GABRR2: variants seen among roughly 807,000 people sequenced by gnomAD.
GABRR2 encodes the protein gamma-aminobutyric acid receptor subunit rho-2.
A neutral mutation model predicts 47.0 loss-of-function variants in GABRR2; 36 were observed. That is an observed-to-expected ratio of 0.77 (90% CI 0.59 to 1.01). GABRR2 has a LOEUF of 1.01. Ranked by LOEUF, GABRR2 falls within the 50% of genes least tolerant of loss-of-function variation. The pLI is 0.00. For missense variants in GABRR2, 587 were observed against 594.6 expected (o/e 0.99, Z 0.13); for synonymous variants, 204 against 227.5 (o/e 0.90, Z 0.93).
intron 2 of GABRR2, among the ~76,000 whole-genome samples, chr6:89,296,938 T>C (rs539913235): frequency 1.3e-5 from 2 of 152,242 alleles, no homozygotes; most frequent in South Asian, 4.1e-4. Context: ...ACCTAACTCC[T>C]TGGACCCCAG....
At chr6:89,298,873 A>G (rs192874505) in intron 2 of GABRR2, among the ~76,000 whole-genome samples, 3 of 152,274 alleles carry the variant, frequency 2.0e-5, no homozygotes, top group Non-Finnish European at 4.4e-5. Context: ...TAGTGCTCTT[A>G]GAAAAGAGGC....
At chr6:89,280,247 T>TACAC (rs1554197253) in intron 2 of GABRR2, among the ~76,000 whole-genome samples, 2 of 101,330 alleles carry the variant, frequency 2.0e-5, no homozygotes, top group African/African-American at 7.0e-5. Context: ...TATATATATA[T>TACAC]ATATATACAT....
chr6:89,302,767 G>C, intron 1 of GABRR2: 1 of 1,443,424 alleles, frequency 6.9e-7, no homozygotes, highest in Non-Finnish European at 9.5e-7. Context: ...TCCATCCAGA[G>C]CAAGAACAGC....
intron 2 of GABRR2, among the ~76,000 whole-genome samples, chr6:89,279,215 A>T (rs1278949299): frequency 6.6e-6 from 1 of 151,974 alleles, no homozygotes; most frequent in Non-Finnish European, 1.5e-5. Flanking sequence ...TGCTCCTGAC[A>T]GTTTGCTTGT....
intron 1 of GABRR2, 90 bp downstream of exon 1, chr6:89,314,963 G>T: frequency 8.9e-7 from 1 of 1,128,834 alleles, no homozygotes; most frequent in Non-Finnish European, 1.3e-6. Context: ...ATCTCAATAG[G>T]ACCTTAGCCC....
chr6:89,288,826 T>C (rs1774386554), intron 2 of GABRR2, among the ~76,000 whole-genome samples: 1 of 152,162 alleles, frequency 6.6e-6, no homozygotes. Context: ...AAATTATTTT[T>C]TTATAAAGAC....
chr6:89,302,820 G>A (rs959172465), intron 1 of GABRR2: 100 of 1,417,390 alleles, frequency 7.1e-5, no homozygotes, highest in African/African-American at 3.3e-4. Flanking sequence ...GAAGGTGGAC[G>A]TGTGTGACAT....
chr6:89,268,979 G>A, intron 4 of GABRR2, 32 bp downstream of exon 4: 1 of 1,588,828 alleles, frequency 6.3e-7, no homozygotes, highest in South Asian at 1.1e-5. Flanking sequence ...GAAAGGCACT[G>A]GACAGAGGAA....
At chr6:89,303,036 C>T (rs1338580693) in intron 1 of GABRR2, 3 of 1,134,962 alleles carry the variant, frequency 2.6e-6, no homozygotes, top group Non-Finnish European at 3.7e-6. Flanking sequence ...ACCAGCAGTA[C>T]CAGGACTCCA....
intron 1 of GABRR2, among the ~76,000 whole-genome samples, chr6:89,309,730 C>T (rs147585016): frequency 6.6e-6 from 1 of 152,138 alleles, no homozygotes; most frequent in East Asian, 1.9e-4. Context: ...AATTGATAAT[C>T]CTGCATTGAC....
In GABRR2 at chr6:89,255,768, G is replaced by A. The variant is rs1773588697; in HGVS notation, c.*1902C>T. Among the ~76,000 whole-genome samples, 2 of 152,122 alleles carry A rather than the reference G, an allele frequency of 1.3e-5. No homozygotes were observed. The highest frequency in any genetic ancestry group is 1.3e-4 in the Admixed American group (2 of 15,258). ...TGCGTCCGCTCAAGCTGGTCTCTTG[G>A]CTGGTAGAGCTTCCTGGTCTTTAGG... On this transcript the variant is annotated 3_prime_UTR_variant, in exon 9 of 9. Coordinates refer to ENST00000402938, the MANE Select transcript of GABRR2 (RefSeq NM_002043.5).
At chr6:89,272,842 A>T (rs1264252847) in intron 2 of GABRR2, among the ~76,000 whole-genome samples, 1 of 152,234 alleles carries the variant, frequency 6.6e-6, no homozygotes, top group Admixed American at 6.5e-5. Context: ...AAGGAGGACC[A>T]GAGATTCCCA....
chr6:89,276,663 G>GA lies in GABRR2; in HGVS notation c.221-4942dup, dbSNP rs916955623. 6.0e-5 allele frequency among the ~76,000 whole-genome samples: 9 copies of GA among 151,056 alleles called. No individual in the cohort carries two copies. The East Asian group carries it at 9.7e-4, about 16-fold the overall frequency. On this transcript the variant is annotated intron_variant, in intron 2 of 8. Coordinates refer to ENST00000402938, the MANE Select transcript of GABRR2 (RefSeq NM_002043.5). Reference sequence around the variant, plus strand: ...GGTTTTAGCCAGTGCAATAGGAAAAGAAAAAAAAAGTTATGACCGTTGGAA... The same window carrying GA: ...GGTTTTAGCCAGTGCAATAGGAAAAGAAAAAAAAAAGTTATGACCGTTGGAA...
At position 89,257,962 on chromosome 6, in the gene GABRR2, A is replaced by C. The variant is rs79876014; in HGVS notation, c.1106T>G (p.Met369Arg). 3.3e-5 allele frequency: 54 copies of C among 1,613,610 alleles called. No individual in the cohort carries two copies. Among genetic ancestry groups the C allele is most frequent in the Non-Finnish European group, 3.5e-5 (41 of 1,179,742 alleles). The change falls in exon 9 of 9, where the codon ATG becomes AGG. Residue 369 changes from methionine to arginine, a missense_variant. Met to Arg is a moderately conservative substitution (Grantham distance 91, BLOSUM62 -1). Coordinates refer to ENST00000402938, the MANE Select transcript of GABRR2 (RefSeq NM_002043.5). ...CAGCATCATGGTTTTTGAATGAAGC[A>C]TTCCACACATGCACGGGAACTATGG... The part of the protein sequence containing the change: ...LREKFPCMCG[M>R]LHSKTMMLDG...
rs1773636404 is a variant in GABRR2 at position 89,257,767 on chromosome 6, A to G, written c.1301T>C (p.Ile434Thr). ...GTCAATGGCATGGGTATTCTGGAAGATACGAAAACCCGTCTGGCCCTTCAG... is the reference window on the plus strand; with the variant it reads ...GTCAATGGCATGGGTATTCTGGAAGGTACGAAAACCCGTCTGGCCCTTCAG... The part of the protein sequence containing the change: ...GLLKGQTGFR[I>T]FQNTHAIDKY... Residue 434 changes from isoleucine to threonine, a missense_variant, in exon 9 of 9, where the codon ATC becomes ACC. Coordinates refer to ENST00000402938, the MANE Select transcript of GABRR2 (RefSeq NM_002043.5). The G allele has an allele frequency of 6.2e-7, 1 of 1,613,950 alleles. No individual in the cohort carries two copies. Among genetic ancestry groups the G allele is most frequent in the African/African-American group, 1.3e-5 (1 of 75,052 alleles).
In GABRR2 at chr6:89,259,542, C is replaced by T. The variant is rs370443523; in HGVS notation, c.1087-1561G>A. 1.7e-3 allele frequency among the ~76,000 whole-genome samples: 257 copies of T among 151,254 alleles called. 2 individuals are homozygous for T. Among genetic ancestry groups the T allele is most frequent in the African/African-American group, 6.1e-3 (250 of 41,204 alleles). On this transcript the variant is annotated intron_variant, in intron 8 of 8. Transcript: ENST00000402938. ...TTTTTGAGATGGAGTCTCACTCTAT[C>T]CCCCAGTCTGGAGTGCAGTGGCTCG...
chr6:89,279,072 G>A (rs923789753), intron 2 of GABRR2, among the ~76,000 whole-genome samples: 7 of 152,160 alleles, frequency 4.6e-5, no homozygotes, highest in African/African-American at 9.7e-5. Context: ...TGATAAGCCC[G>A]AGAAACCGCC....
intron 2 of GABRR2, among the ~76,000 whole-genome samples, chr6:89,280,502 G>A (rs991122166): frequency 2.0e-5 from 3 of 151,956 alleles, no homozygotes; most frequent in African/African-American, 7.3e-5. Context: ...CTGATTTCCT[G>A]AGGGGATCAC....
At chr6:89,310,758 TG>T (rs1160211975) in intron 1 of GABRR2, among the ~76,000 whole-genome samples, 1 of 148,694 alleles carries the variant, frequency 6.7e-6, no homozygotes, top group Non-Finnish European at 1.5e-5. Flanking sequence ...GGGGGTGTGG[TG>T]GGAATGAATG....
Sources: gnomAD v4.1 joint callset for allele counts (sites outside exome capture counted in the v4.1 genomes callset) on GRCh38, gnomAD v4.1.1 for gene constraint, MANE v1.5 for transcripts, NCBI Gene and HGNC (gene_info 2026-07-23, HGNC 2026-07-21) for gene names.